The following TUBD1 variants were observed in gnomAD, a reference collection of about 807,000 sequenced individuals.
The protein encoded by TUBD1 is tubulin delta chain.
Under a neutral mutation model 51.2 loss-of-function variants are expected in TUBD1, and 38 were observed. The observed-to-expected ratio is 0.74, with a 90% CI of 0.57 to 0.97. TUBD1 has a LOEUF of 0.97. Among genes scored for constraint, TUBD1 ranks in the 50% least tolerant of loss-of-function variants. The pLI is 0.00. For synonymous variants in TUBD1, 169 were observed against 178.2 expected (o/e 0.95, Z 0.41); for missense variants, 489 against 538.4 (o/e 0.91, Z 0.91).
intron 4 of TUBD1, among the ~76,000 whole-genome samples, chr17:59,879,744 GA>G (rs2144529754): frequency 1.3e-5 from 2 of 150,918 alleles, no homozygotes; most frequent in Admixed American, 6.6e-5. Context: ...GCCATTCTCT[GA>G]AAAAAAATTT....
Position 59,881,599 on chromosome 17 carries a change from A to G in TUBD1, c.321-489T>C, listed in dbSNP as rs1195060802. 3.9e-5 allele frequency among the ~76,000 whole-genome samples: 6 copies of G among 152,192 alleles called. No individual in the cohort carries two copies. In the East Asian group the frequency reaches 9.6e-4, roughly 24 times the overall value. On this transcript the variant is annotated intron_variant, in intron 3 of 8. Coordinates refer to ENST00000325752, the MANE Select transcript of TUBD1 (RefSeq NM_016261.4). The stretch of plus-strand genomic sequence containing the variant: ...ATGTGTATACATGTGTAATGATCAA[A>G]TCAGGGTAAATGGGATATCTATCAC...
chr17:59,870,854 T>C (rs1263684013), intron 6 of TUBD1, among the ~76,000 whole-genome samples: 2 of 152,218 alleles, frequency 1.3e-5, no homozygotes, highest in Non-Finnish European at 2.9e-5. Flanking sequence ...CCGGAGCAAC[T>C]AACTCAGCAA....
Position 59,866,518 on chromosome 17 carries a change from C to T in TUBD1, c.1075+91G>A, listed in dbSNP as rs539672666. On this transcript the variant is annotated intron_variant, in intron 7 of 8. Coordinates refer to ENST00000325752, the MANE Select transcript of TUBD1 (RefSeq NM_016261.4). ...CACACAGTTATTACTTTCCTTTCTCCAAGAACACAGGGACTTTTTAAAAAC... is the reference window on the plus strand; with the variant it reads ...CACACAGTTATTACTTTCCTTTCTCTAAGAACACAGGGACTTTTTAAAAAC... 1,216 of 1,514,514 alleles carry T rather than the reference C, an allele frequency of 8.0e-4. 2 individuals are homozygous for T. Among genetic ancestry groups the T allele is most frequent in the Non-Finnish European group, 1.0e-3 (1,120 of 1,124,968 alleles). The allele number at this position is 1,514,514 out of a possible 1,614,324, so 93.8% of individuals were successfully genotyped here.
intron 5 of TUBD1, among the ~76,000 whole-genome samples, chr17:59,876,130 C>G (rs2040211595): frequency 6.6e-6 from 1 of 151,886 alleles, no homozygotes; most frequent in Non-Finnish European, 1.5e-5. Context: ...TTGCATAGCA[C>G]AAGTAAATAT....
At chr17:59,882,788 TC>T (rs1390448810) in intron 3 of TUBD1, among the ~76,000 whole-genome samples, 2 of 151,424 alleles carry the variant, frequency 1.3e-5, no homozygotes, top group Admixed American at 1.3e-4. Flanking sequence ...CTAATTTCTT[TC>T]TTTTTTTTTT....
chr17:59,892,264 G>T (rs3900906), intron 1 of TUBD1, among the ~76,000 whole-genome samples: 1,729 of 152,038 alleles, frequency 0.011, 27 homozygotes, highest in African/African-American at 0.034. Flanking sequence ...AATATTAACC[G>T]GGCGCAATGG....
chr17:59,881,622 C>G (rs2144541356), intron 3 of TUBD1, among the ~76,000 whole-genome samples: 1 of 152,184 alleles, frequency 6.6e-6, no homozygotes, highest in African/African-American at 2.4e-5. Context: ...GGATATCTAT[C>G]ACCTCAAACA....
rs547445547 is a variant in TUBD1 at position 59,892,881 on chromosome 17, A to G, written c.-224T>C. On this transcript the variant is annotated 5_prime_UTR_variant, in exon 1 of 9. Coordinates refer to ENST00000325752, the MANE Select transcript of TUBD1 (RefSeq NM_016261.4). Reference sequence around the variant, plus strand: ...GATTAATTACGCATGTTCAATTTCAATTTACGAACTTCAGATATGGTACGC... The same window carrying G: ...GATTAATTACGCATGTTCAATTTCAGTTTACGAACTTCAGATATGGTACGC... 2.7e-6 allele frequency: 1 copy of G among 368,974 alleles called. No individual in the cohort carries two copies. The highest frequency in any genetic ancestry group is 5.0e-6 in the Non-Finnish European group (1 of 198,700). The allele number at this position is 368,974 out of a possible 1,614,324, so 22.9% of individuals were successfully genotyped here.
intron 2 of TUBD1, 149 bp downstream of exon 2, chr17:59,890,682 A>C (rs1317037018): frequency 3.0e-6 from 2 of 663,358 alleles, no homozygotes; most frequent in African/African-American, 3.7e-5. Context: ...CTGGAAAAGC[A>C]AAGATTATTA....
intron 4 of TUBD1, among the ~76,000 whole-genome samples, chr17:59,879,204 G>C (rs2040367308): frequency 6.8e-6 from 1 of 147,280 alleles, no homozygotes; most frequent in Non-Finnish European, 1.5e-5. Flanking sequence ...GGAGGCGGAG[G>C]TTGCGGTGAG....
At chr17:59,885,922 A>G (rs1347146043) in intron 3 of TUBD1, among the ~76,000 whole-genome samples, 161 bp downstream of exon 3, 2 of 152,224 alleles carry the variant, frequency 1.3e-5, no homozygotes, top group Non-Finnish European at 2.9e-5. Context: ...AGACATAGGC[A>G]TGGAATGAAA....
At chr17:59,861,875 C>T (rs376621581) in intron 8 of TUBD1, among the ~76,000 whole-genome samples, 11 of 150,956 alleles carry the variant, frequency 7.3e-5, no homozygotes, top group East Asian at 4.0e-4. Context: ...ACCATGTTGG[C>T]CAGGCTGGTC....
intron 7 of TUBD1, among the ~76,000 whole-genome samples, chr17:59,864,338 G>A (rs564786830): frequency 4.7e-5 from 7 of 149,750 alleles, no homozygotes; most frequent in Non-Finnish European, 8.9e-5. Flanking sequence ...TAGAGATGGG[G>A]TTTCACCATG....
intron 3 of TUBD1, chr17:59,884,657 A>C (rs2040636673): frequency 6.6e-6 from 1 of 152,460 alleles, no homozygotes; most frequent in South Asian, 2.1e-4. Context: ...GCAGTGGCTC[A>C]TACCTGTAAT....
chr17:59,880,564 G>C (rs1369282221), intron 4 of TUBD1, among the ~76,000 whole-genome samples: 1 of 151,898 alleles, frequency 6.6e-6, no homozygotes, highest in East Asian at 1.9e-4. Flanking sequence ...GCCCAGGCTG[G>C]AGTACGGTAG....
At chr17:59,871,221 G>A (rs1287721384) in intron 6 of TUBD1, among the ~76,000 whole-genome samples, 1 of 152,020 alleles carries the variant, frequency 6.6e-6, no homozygotes, top group East Asian at 1.9e-4. Context: ...TTTGAGACAG[G>A]GTCTCGCTCT....
At chr17:59,861,362 C>A (rs1276449584) in intron 8 of TUBD1, among the ~76,000 whole-genome samples, 1 of 151,810 alleles carries the variant, frequency 6.6e-6, no homozygotes, top group South Asian at 2.1e-4. Context: ...CCACACCTGG[C>A]TAATTTTTGC....
intron 2 of TUBD1, among the ~76,000 whole-genome samples, chr17:59,888,744 TG>T (rs2040848627): frequency 6.6e-6 from 1 of 151,972 alleles, no homozygotes; most frequent in Admixed American, 6.6e-5. Context: ...TTTTCTTTTT[TG>T]AGACGGAGTT....
At chr17:59,863,560 T>C (rs2039559934) in intron 8 of TUBD1, 104 bp downstream of exon 8, 2 of 928,462 alleles carry the variant, frequency 2.2e-6, no homozygotes, top group East Asian at 6.2e-5. Flanking sequence ...AGTGAGCCAG[T>C]GAGCCAAGAT....
Sources: allele counts gnomAD v4.1 joint callset (sites outside exome capture counted in the v4.1 genomes callset), GRCh38; gene constraint gnomAD v4.1.1; transcripts MANE v1.5; gene names NCBI Gene and HGNC (gene_info 2026-07-23, HGNC 2026-07-21).